Variants in PRKCE observed in about 807,000 individuals in gnomAD.
The protein encoded by PRKCE is protein kinase C epsilon.
A neutral mutation model predicts 85.4 loss-of-function variants in PRKCE; 16 were observed. That is an observed-to-expected ratio of 0.19 (90% CI 0.13 to 0.28). PRKCE has a LOEUF of 0.28. Ranked by LOEUF, PRKCE falls within the 10% of genes least tolerant of loss-of-function variation. PRKCE has a pLI of 1.00. For synonymous variants in PRKCE, 388 were observed against 371.5 expected (o/e 1.04, Z -0.51); for missense variants, 573 against 975.2 (o/e 0.59, Z 5.49).
intron 1 of PRKCE, among the ~76,000 whole-genome samples, chr2:45,825,493 CT>C (rs200491157): frequency 7.9e-5 from 12 of 151,940 alleles, no homozygotes; most frequent in Admixed American, 1.3e-4. Context: ...AGTTTTCCTA[CT>C]TTTTTTTTCC....
chr2:45,699,634 T>A (rs1394105324), intron 1 of PRKCE, among the ~76,000 whole-genome samples: 1 of 152,192 alleles, frequency 6.6e-6, no homozygotes, highest in Non-Finnish European at 1.5e-5. Context: ...GTTTTAGCCT[T>A]AATAACTGTT....
At chr2:45,794,188 C>T (rs528625795) in intron 1 of PRKCE, among the ~76,000 whole-genome samples, 5 of 152,134 alleles carry the variant, frequency 3.3e-5, no homozygotes, top group African/African-American at 1.2e-4. Flanking sequence ...TGAATTATGG[C>T]CCTTTTAAAC....
At chr2:45,977,919 G>A (rs1370149964) in intron 3 of PRKCE, among the ~76,000 whole-genome samples, 1 of 152,148 alleles carries the variant, frequency 6.6e-6, no homozygotes, top group Admixed American at 6.5e-5. Flanking sequence ...ACTGGGGAGA[G>A]CGAGTGAGGC....
chr2:45,948,953 A>G (rs186710251), intron 2 of PRKCE, among the ~76,000 whole-genome samples: 31 of 152,294 alleles, frequency 2.0e-4, no homozygotes, highest in Admixed American at 3.9e-4. Flanking sequence ...TTAATTCTCT[A>G]TGCTATTCCT....
chr2:45,758,891 G>T (rs1684216921), intron 1 of PRKCE, among the ~76,000 whole-genome samples: 1 of 152,184 alleles, frequency 6.6e-6, no homozygotes, highest in African/African-American at 2.4e-5. Flanking sequence ...TGCAGAGGGT[G>T]CATTGCAGCC....
At chr2:46,086,940 A>C (rs955385001) in intron 11 of PRKCE, among the ~76,000 whole-genome samples, 3 of 152,146 alleles carry the variant, frequency 2.0e-5, no homozygotes, top group Non-Finnish European at 4.4e-5. Flanking sequence ...TCCAAGAAAC[A>C]CACGCACGTC....
intron 2 of PRKCE, among the ~76,000 whole-genome samples, chr2:45,906,871 CA>C (rs1164917282): frequency 2.0e-5 from 3 of 152,218 alleles, no homozygotes; most frequent in Non-Finnish European, 4.4e-5. Context: ...AGAACATCTT[CA>C]GAGATGGGTC....
chr2:46,174,633 A>G (rs931920045), intron 14 of PRKCE, among the ~76,000 whole-genome samples: 13 of 152,048 alleles, frequency 8.5e-5, no homozygotes, highest in African/African-American at 3.1e-4. Flanking sequence ...CACAACACAC[A>G]CAGACACCCA....
intron 1 of PRKCE, among the ~76,000 whole-genome samples, chr2:45,822,915 A>G (rs886343730): frequency 1.1e-4 from 16 of 152,192 alleles, no homozygotes; most frequent in Admixed American, 2.6e-4. Flanking sequence ...TACGATTGGT[A>G]TGGGATGGCC....
chr2:45,982,360 A>G (rs1702960135), intron 5 of PRKCE, among the ~76,000 whole-genome samples: 1 of 152,146 alleles, frequency 6.6e-6, no homozygotes, highest in Non-Finnish European at 1.5e-5. Flanking sequence ...CCTAAACACC[A>G]TGCTTTCAAT....
intron 12 of PRKCE, among the ~76,000 whole-genome samples, chr2:46,147,838 A>T (rs2104505097): frequency 6.6e-6 from 1 of 152,292 alleles, no homozygotes; most frequent in African/African-American, 2.4e-5. Context: ...TCCAGATTTG[A>T]CCACAAATGT....
chr2:45,879,143 A>G (rs1357911781), intron 2 of PRKCE, among the ~76,000 whole-genome samples: 4 of 152,158 alleles, frequency 2.6e-5, no homozygotes, highest in Admixed American at 2.6e-4. Context: ...AAAAACCCCA[A>G]GCTCCACTGG....
chr2:46,010,291 T>G, intron 9 of PRKCE, 53 bp from the exon 10 acceptor site: 1 of 1,501,124 alleles, frequency 6.7e-7, no homozygotes, highest in Non-Finnish European at 8.9e-7. Flanking sequence ...CTTACACTTC[T>G]TCTTTTTATT....
intron 1 of PRKCE, among the ~76,000 whole-genome samples, chr2:45,748,665 C>T (rs1683323129): frequency 6.6e-6 from 1 of 152,140 alleles, no homozygotes; most frequent in Non-Finnish European, 1.5e-5. Flanking sequence ...CTTCTCGGAG[C>T]TGGTCACACA....
Position 45,976,432 on chromosome 2 carries a change from C to T in PRKCE, c.416C>T (p.Pro139Leu), listed in dbSNP as rs1297223009. 1.3e-6 allele frequency: 2 copies of T among 1,599,660 alleles called. No individual in the cohort carries two copies. The highest frequency in any genetic ancestry group is 4.5e-5 in the East Asian group (2 of 44,880). ...CCCTGCTCTTGTCCTTCCCCAGCCC[C>T]TAAAGACAATGAAGAGCGTGTGTTC... is the stretch of plus-strand genomic sequence containing the variant. The part of the protein sequence containing the change: ...IDLSGSSGEA[P>L]KDNEERVFRE... The change falls in exon 3 of 15, where the codon CCT (proline) becomes CTT (leucine). Residue 139 changes from proline to leucine, a missense_variant. This residue lies in a region of PRKCE where 33 missense variants were observed against 33.7 expected (regional missense o/e 0.98). Transcript: ENST00000306156.
intron 11 of PRKCE, among the ~76,000 whole-genome samples, chr2:46,131,601 T>C (rs1369332053): frequency 6.6e-6 from 1 of 152,162 alleles, no homozygotes; most frequent in Non-Finnish European, 1.5e-5. Context: ...TGGGTCACCA[T>C]TGCCCCAACT....
chr2:45,665,599 T>C (rs1675873380), intron 1 of PRKCE, among the ~76,000 whole-genome samples: 1 of 152,248 alleles, frequency 6.6e-6, no homozygotes, highest in African/African-American at 2.4e-5. Context: ...TGCTTCTTCA[T>C]GACACCATCC....
chr2:45,908,728 TG>T (rs1424016053), intron 2 of PRKCE, among the ~76,000 whole-genome samples: 1 of 152,188 alleles, frequency 6.6e-6, no homozygotes, highest in Non-Finnish European at 1.5e-5. Context: ...TAGGAAAGAC[TG>T]GAAGAGGCCG....
intron 2 of PRKCE, among the ~76,000 whole-genome samples, chr2:45,864,889 C>T (rs559647322): frequency 6.6e-6 from 1 of 152,298 alleles, no homozygotes; most frequent in South Asian, 2.1e-4. Context: ...GAGAATACAT[C>T]AACATCACCT....
Sources: allele counts gnomAD v4.1 joint callset (sites outside exome capture counted in the v4.1 genomes callset), GRCh38; gene constraint gnomAD v4.1.1; regional missense constraint gnomAD v4.1.1; transcripts MANE v1.5; gene names NCBI Gene and HGNC (gene_info 2026-07-23, HGNC 2026-07-21).